Variants in HFM1 observed in about 807,000 individuals in gnomAD.
The protein encoded by HFM1 is helicase for meiosis 1.
A neutral mutation model predicts 192.1 loss-of-function variants in HFM1; 169 were observed. The observed-to-expected ratio is 0.88, with a 90% confidence interval of 0.78 to 1.00. The LOEUF (loss-of-function observed/expected upper bound fraction) is 1.00, where lower values mean the gene tolerates loss of function less well. HFM1 is among the 50% of genes least tolerant of loss of function. HFM1 has a pLI of 0.00. For missense variants in HFM1, 1,661 were observed against 1,668.0 expected, an observed-to-expected ratio of 1.00 and a Z score of 0.07; for synonymous variants, 525 against 537.8, an observed-to-expected ratio of 0.98 and a Z score of 0.33.
At chr1:91,288,781 A>G (rs1200676204) in intron 30 of HFM1, among the ~76,000 whole-genome samples, 1 of 152,160 alleles carries the variant, frequency 6.6e-6, no homozygotes, top group Non-Finnish European at 1.5e-5. Context: ...ACTTCTTTCT[A>G]CACAGACACA....
chr1:91,323,391 A>C (rs1440110048), intron 21 of HFM1, among the ~76,000 whole-genome samples, 192 bp from the exon 22 acceptor site: 1 of 152,194 alleles, frequency 6.6e-6, no homozygotes, highest in Non-Finnish European at 1.5e-5. Context: ...AAATGCTTAC[A>C]AACTCCTATT....
At chr1:91,388,126 T>C (rs78191118) in intron 4 of HFM1, among the ~76,000 whole-genome samples, 2,756 of 152,210 alleles carry the variant, frequency 0.018, 38 homozygotes, top group Non-Finnish European at 0.029. Flanking sequence ...TGTATCTCTT[T>C]CATTTGGAGT....
At chr1:91,364,101 T>C (rs2101853311) in intron 13 of HFM1, among the ~76,000 whole-genome samples, 1 of 152,146 alleles carries the variant, frequency 6.6e-6, no homozygotes, top group East Asian at 1.9e-4. Flanking sequence ...GGTTATGCGA[T>C]GATTTGTACA....
Position 91,266,091 on chromosome 1 carries a change from C to A in HFM1, c.3900G>T (p.Leu1300Phe). ...KTKISGFGNT[L>F]SSSTRGSKLP... ...GCTTACTTCCCCTGGTACTTGAACT[C>A]AAAGTGTTTCCAAATCCTATGTGAA... The change falls in exon 36 of 39, where the codon TTG becomes TTT. Residue 1300 changes from leucine to phenylalanine, a missense_variant. Leu to Phe is a conservative substitution (Grantham distance 22). Transcript: ENST00000370425. 6.3e-7 allele frequency: 1 copy of A among 1,589,720 alleles called. No homozygotes were observed. The highest frequency in any genetic ancestry group is 1.2e-5 in the South Asian group (1 of 86,518).
chr1:91,335,141 T>C (rs969287117), intron 20 of HFM1, among the ~76,000 whole-genome samples: 1 of 152,094 alleles, frequency 6.6e-6, no homozygotes, highest in Non-Finnish European at 1.5e-5. Context: ...ACCAAGGACA[T>C]GGTACAATAG....
chr1:91,364,524 T>C (rs1177776412), intron 13 of HFM1, among the ~76,000 whole-genome samples: 1 of 149,438 alleles, frequency 6.7e-6, no homozygotes. Flanking sequence ...AGTTAAGATA[T>C]GGAAACAGCC....
At chr1:91,342,333 T>C (rs920404885) in intron 20 of HFM1, among the ~76,000 whole-genome samples, 1 of 152,036 alleles carries the variant, frequency 6.6e-6, no homozygotes. Flanking sequence ...TTTTAAGCTG[T>C]AGGAATTTGA....
chr1:91,292,577 T>G (rs567038258), intron 30 of HFM1, among the ~76,000 whole-genome samples: 1 of 151,784 alleles, frequency 6.6e-6, no homozygotes, highest in Non-Finnish European at 1.5e-5. Context: ...GGAAGAACAT[T>G]CCATGCTCAC....
intron 20 of HFM1, among the ~76,000 whole-genome samples, chr1:91,336,207 T>A (rs1468752592): frequency 6.8e-6 from 1 of 147,630 alleles, no homozygotes; most frequent in Non-Finnish European, 1.5e-5. Context: ...CAGGCTAAGA[T>A]CTATCTCTAT....
chr1:91,352,733 T>G (rs977849461), intron 15 of HFM1, 82 bp from the exon 16 acceptor site: 1 of 1,058,588 alleles, frequency 9.4e-7, no homozygotes, highest in Non-Finnish European at 1.3e-6. Context: ...GACATTCTTA[T>G]AAATGTAATA....
At chr1:91,297,786 T>C (rs1484952518) in intron 30 of HFM1, among the ~76,000 whole-genome samples, 1 of 152,136 alleles carries the variant, frequency 6.6e-6, no homozygotes, top group Non-Finnish European at 1.5e-5. Context: ...CAAAACCCCA[T>C]CTGTTCGTCA....
At chr1:91,388,299 G>T (rs1397693457) in intron 4 of HFM1, among the ~76,000 whole-genome samples, 2 of 152,196 alleles carry the variant, frequency 1.3e-5, no homozygotes, top group African/African-American at 2.4e-5. Flanking sequence ...TTTTCAGCTG[G>T]AATTCAAAGT....
intron 20 of HFM1, chr1:91,329,575 T>A: frequency 1.7e-6 from 2 of 1,205,760 alleles, no homozygotes; most frequent in Non-Finnish European, 2.3e-6. Context: ...CTTGTACCCT[T>A]AAGAGCTACA....
chr1:91,274,176 T>A (rs34744207), intron 33 of HFM1, among the ~76,000 whole-genome samples: 31,159 of 151,680 alleles, frequency 0.21, 3,923 homozygotes, highest in South Asian at 0.35. Flanking sequence ...GGCATCAGGA[T>A]ACAGGAAAAG....
chr1:91,300,133 C>A (rs1169093125), intron 30 of HFM1, among the ~76,000 whole-genome samples: 1 of 152,190 alleles, frequency 6.6e-6, no homozygotes, highest in Admixed American at 6.5e-5. Context: ...ATACAAACTA[C>A]CATCAGAGAA....
chr1:91,380,452 C>G (rs1421613924), intron 7 of HFM1, among the ~76,000 whole-genome samples: 2 of 151,990 alleles, frequency 1.3e-5, no homozygotes, highest in Non-Finnish European at 1.5e-5. Flanking sequence ...TCAATGTAGA[C>G]CTAGGAGAAA....
At chr1:91,281,251 G>C (rs1407160309) in intron 30 of HFM1, among the ~76,000 whole-genome samples, 1 of 152,170 alleles carries the variant, frequency 6.6e-6, no homozygotes, top group Non-Finnish European at 1.5e-5. Context: ...TTTTAATGCA[G>C]AATCAAGTGG....
chr1:91,290,568 A>G (rs909664685), intron 30 of HFM1, among the ~76,000 whole-genome samples: 7 of 152,190 alleles, frequency 4.6e-5, no homozygotes, highest in Non-Finnish European at 1.0e-4. Context: ...TGAGTGACCT[A>G]CAAAGAGACT....
chr1:91,323,057 T>A, intron 22 of HFM1, 36 bp downstream of exon 22: 1 of 1,373,568 alleles, frequency 7.3e-7, no homozygotes, highest in African/African-American at 1.5e-5. Context: ...AAATAAAACC[T>A]CTTAAAATTA....
Sources: allele counts gnomAD v4.1 joint callset (sites outside exome capture counted in the v4.1 genomes callset), GRCh38; gene constraint gnomAD v4.1.1; transcripts MANE v1.5; gene names NCBI Gene and HGNC (gene_info 2026-07-23, HGNC 2026-07-21).